Variants in SLC4A3 observed in about 807,000 individuals in gnomAD.
SLC4A3 encodes solute carrier family 4 member 3.
SLC4A3 carries 47 observed loss-of-function variants against 114.2 expected under a neutral mutation model. That is an observed-to-expected ratio of 0.41 (90% CI 0.33 to 0.52). The LOEUF (loss-of-function observed/expected upper bound fraction) is 0.52. SLC4A3 is among the 20% of genes least tolerant of loss of function. The pLI is 0.21. For synonymous variants in SLC4A3, 693 were observed against 710.3 expected, an observed-to-expected ratio of 0.98 and a Z score of 0.39; for missense variants, 1,312 against 1,668.3, an observed-to-expected ratio of 0.79 and a Z score of 3.72.
rs71688224 is a variant in SLC4A3, at chr2:219,637,193, A to AGTGTGT, written c.2535+331_2535+336dup. Among the ~76,000 whole-genome samples, 1 of 147,836 alleles carries AGTGTGT rather than the reference A, an allele frequency of 6.8e-6. No individual in the cohort carries two copies. The highest frequency in any genetic ancestry group is 2.0e-4 in the East Asian group (1 of 4,968). ...GTCCTTGGGTCACCTTTTGTAGAGG[A>AGTGTGT]GTGTGTGTGTGTGTGTGGGTGTGGG... On this transcript the variant is annotated intron_variant, in intron 16 of 22. Coordinates refer to ENST00000358055, the MANE Select transcript of SLC4A3 (RefSeq NM_005070.4). The surrounding 1 kb of genome is among the most constrained non-coding windows in gnomAD (Gnocchi z 4.6).
chr2:219,639,559 TG>T lies in SLC4A3; in HGVS notation c.3108del (p.Leu1037SerfsTer24), dbSNP rs757961785. On this transcript the variant is annotated frameshift_variant, in exon 20 of 23. Coordinates refer to ENST00000358055, the MANE Select transcript of SLC4A3 (RefSeq NM_005070.4). LOFTEE classifies it high-confidence loss of function. This position sits in a 1 kb window ranked among gnomAD's most constrained non-coding sequence, Gnocchi z 5.9. ...FHLDLLLIGS[L>X]GGLCGLFGLP... ...CTGGACCTGCTCCTCATTGGCTCCC[TG>T]GGGGGGCTCTGTGGGCTGTTTGGGT... 1 of 1,613,994 alleles carries T rather than the reference TG, an allele frequency of 6.2e-7. No individual in the cohort carries two copies. The highest frequency in any genetic ancestry group is 1.7e-5 in the Admixed American group (1 of 60,022).
chr2:219,637,844 G>A lies in SLC4A3; in HGVS notation c.2766+33G>A, dbSNP rs1490423349. Reference sequence around the variant, plus strand: ...GCTGCTGGGTGTGGAGCCCCCAAGAGTCCCACAATTCCTGCTGTAGGAGCT... The same window carrying A: ...GCTGCTGGGTGTGGAGCCCCCAAGAATCCCACAATTCCTGCTGTAGGAGCT... On this transcript the variant is annotated intron_variant, in intron 17 of 22. Coordinates refer to ENST00000358055, the MANE Select transcript of SLC4A3 (RefSeq NM_005070.4). This position sits in a 1 kb window ranked among gnomAD's most constrained non-coding sequence, Gnocchi z 4.6. 2 of 1,527,816 alleles carry A rather than the reference G, an allele frequency of 1.3e-6. No homozygotes were observed. The highest frequency in any genetic ancestry group is 2.3e-5 in the East Asian group (1 of 44,428). 94.6% of individuals were successfully genotyped at this position (1,527,816 alleles called of 1,614,324 possible).
rs1422051011 is a variant in SLC4A3, at chr2:219,636,829, C to T, written c.2490C>T (p.Leu830=). 6.2e-7 allele frequency: 1 copy of T among 1,613,958 alleles called. No individual in the cohort carries two copies. The highest frequency in any genetic ancestry group is 1.3e-5 in the African/African-American group (1 of 74,918). The change falls in exon 16 of 23, where the codon CTC becomes CTT. Residue 830 remains leucine, a synonymous_variant. Coordinates refer to ENST00000358055, the MANE Select transcript of SLC4A3 (RefSeq NM_005070.4). This position sits in a 1 kb window ranked among gnomAD's most constrained non-coding sequence, Gnocchi z 5.5. ...TCACCCAGGAGATCTTTGCCTTTCT[C>T]ATCTCACTCATTTTCATCTACGAGA... The part of the protein sequence containing the change: ...SPFTQEIFAF[L]ISLIFIYETF...
rs766452698 is a variant in SLC4A3 at position 219,628,061 on chromosome 2, G to A, written c.51+18G>A. ...TACCCCAGGTGATCGGCGCGCGCGG[G>A]GGCGGGGGAGAGATGGGGGAGGAGA... On this transcript the variant is annotated intron_variant, in intron 2 of 22. Coordinates refer to ENST00000358055, the MANE Select transcript of SLC4A3 (RefSeq NM_005070.4). The surrounding 1 kb of genome is among the most constrained non-coding windows in gnomAD (Gnocchi z 4.8). The A allele has an allele frequency of 1.9e-6, 3 of 1,544,630 alleles. No individual in the cohort carries two copies. The South Asian group carries it at 3.6e-5, about 19-fold the overall frequency.
Position 219,631,751 on chromosome 2 carries a change from G to A in SLC4A3, c.812-217G>A, listed in dbSNP as rs975738503. 5.9e-5 allele frequency among the ~76,000 whole-genome samples: 9 copies of A among 152,074 alleles called. No homozygotes were observed. The highest frequency in any genetic ancestry group is 1.9e-4 in the African/African-American group (8 of 41,404). ...TCTACCTTTGGATTGCATCTTGGCC[G>A]GTGGTCCCAGGTGACCATGGGGAGG... On this transcript the variant is annotated intron_variant, in intron 6 of 22. Coordinates refer to ENST00000358055, the MANE Select transcript of SLC4A3 (RefSeq NM_005070.4). This position sits in a 1 kb window ranked among gnomAD's most constrained non-coding sequence, Gnocchi z 6.3.
intron 7 of SLC4A3, 63 bp downstream of exon 7, chr2:219,632,179 C>T: frequency 2.5e-6 from 4 of 1,607,276 alleles, no homozygotes; most frequent in Non-Finnish European, 3.4e-6. Context: ...GAGCCCTCCT[C>T]TCTTTGCCCC....
At chr2:219,633,857 C>T (rs2106191362) in intron 10 of SLC4A3, 23 bp from the exon 11 acceptor site, 1 of 1,552,356 alleles carries the variant, frequency 6.4e-7, no homozygotes, top group Non-Finnish European at 8.7e-7. Context: ...GGTCCCAGCC[C>T]TATTCCAGTT....
At position 219,641,639 on chromosome 2, in the gene SLC4A3, T is replaced by G. The variant is rs1228940894; in HGVS notation, c.3622-12T>G. On this transcript the variant is annotated splice_polypyrimidine_tract_variant and intron_variant, in intron 22 of 22. Transcript: ENST00000358055. The surrounding 1 kb of genome is among the most constrained non-coding windows in gnomAD (Gnocchi z 4.0). ...CTTCCCTGCCTTCCCCAACCTTCTG[T>G]TCCCTCTGCAGCTGGACTCGGAAGA... 2 of 1,612,248 alleles carry G rather than the reference T, an allele frequency of 1.2e-6. No individual in the cohort carries two copies. The highest frequency in any genetic ancestry group is 2.2e-5 in the South Asian group (2 of 91,032).
rs746146531 is a variant in SLC4A3, at chr2:219,629,209, C to T, written c.283C>T (p.Leu95=). The T allele has an allele frequency of 2.0e-5, 32 of 1,612,942 alleles. No individual in the cohort carries two copies. Among genetic ancestry groups the T allele is most frequent in the Non-Finnish European group, 2.7e-5 (32 of 1,179,582 alleles). ...LSARLPPPHK[L]RRLPPTSARH... The stretch of plus-strand genomic sequence containing the variant: ...AGCGCGCCTGCCTCCACCCCACAAG[C>T]TGCGGCGGCTGCCCCCCACCTCTGC... Residue 95 remains leucine, a synonymous_variant, in exon 4 of 23, where the codon CTG becomes TTG. Coordinates refer to ENST00000358055, the MANE Select transcript of SLC4A3 (RefSeq NM_005070.4).
In SLC4A3 at chr2:219,635,304, C is replaced by T. The variant is rs764719743; in HGVS notation, c.1780C>T (p.Arg594Trp). 3 of 1,614,144 alleles carry T rather than the reference C, an allele frequency of 1.9e-6. No homozygotes were observed. The highest frequency in any genetic ancestry group is 2.2e-5 in the East Asian group (1 of 44,882). ...TGAGGCTGCCTACCAGGCAGATGAC[C>T]GGCAAGACCTCCTAAGTGCCATCAG... Reference protein sequence around the residue: ...FHEAAYQADDRQDLLSAISEF... With the variant: ...FHEAAYQADDWQDLLSAISEF... The change falls in exon 13 of 23, where the codon CGG becomes TGG. Residue 594 changes from arginine to tryptophan, a missense_variant. By Grantham distance (101) the Arg-to-Trp change is moderately radical (BLOSUM62 -3). Coordinates refer to ENST00000358055, the MANE Select transcript of SLC4A3 (RefSeq NM_005070.4).
intron 8 of SLC4A3, among the ~76,000 whole-genome samples, 198 bp from the exon 9 acceptor site, chr2:219,632,676 G>T (rs898836076): frequency 1.3e-5 from 2 of 152,342 alleles, no homozygotes; most frequent in Admixed American, 1.3e-4. Flanking sequence ...GAGGGGCCGT[G>T]CCCTCGTTTC....
At position 219,628,435 on chromosome 2, in the gene SLC4A3, A is replaced by C. The variant is rs1300147045; in HGVS notation, c.82A>C (p.Ser28Arg). Residue 28 changes from serine (S) to arginine (R), a missense_variant, in exon 3 of 23, where the codon AGT becomes CGT. Physicochemically the swap from Ser to Arg is moderately radical, Grantham distance 110 (BLOSUM62 -1). Around this residue, in one of 4 missense-constraint regions of SLC4A3, gnomAD observed 236 missense variants for 212.1 expected, o/e 1.11. Coordinates refer to ENST00000358055, the MANE Select transcript of SLC4A3 (RefSeq NM_005070.4). The surrounding 1 kb of genome is among the most constrained non-coding windows in gnomAD (Gnocchi z 4.8). ...GGTGCCCTTGGAGGAGCCCCCTCTA[A>C]GTCCAGACGTGGAGGAGGAGGACGA... ...VRVPLEEPPL[S>R]PDVEEEDDDL... The C allele has an allele frequency of 6.2e-7, 1 of 1,613,110 alleles. No individual in the cohort carries two copies. Among genetic ancestry groups the C allele is most frequent in the Non-Finnish European group, 8.5e-7 (1 of 1,179,694 alleles).
Position 219,629,292 on chromosome 2 carries a change from G to A in SLC4A3, c.366G>A (p.Gly122=), listed in dbSNP as rs368460412. 56 of 1,613,802 alleles carry A rather than the reference G, an allele frequency of 3.5e-5. No individual in the cohort carries two copies. Among genetic ancestry groups the A allele is most frequent in the Middle Eastern group, 1.6e-4 (1 of 6,080 alleles). The change falls in exon 4 of 23, where the codon GGG becomes GGA. Residue 122 remains glycine, a synonymous_variant. Transcript: ENST00000358055. ...KEKTSAPPSE[G]TPPIQEEGGA... is the part of the protein sequence containing the mutation. ...AAACCTCTGCTCCTCCCTCCGAGGGGACCCCTCCCATCCAGGAGGAGGGGG... is the reference window on the plus strand; with the variant it reads ...AAACCTCTGCTCCTCCCTCCGAGGGAACCCCTCCCATCCAGGAGGAGGGGG...
At chr2:219,634,696 G>A in intron 12 of SLC4A3, 92 bp downstream of exon 12, 2 of 1,366,892 alleles carry the variant, frequency 1.5e-6, no homozygotes, top group East Asian at 2.4e-5. Flanking sequence ...AGAGGCAAGG[G>A]TGCTAGAGGC....
chr2:219,635,650 C>T (rs1293286472), intron 13 of SLC4A3, 23 bp from the exon 14 acceptor site: 1 of 1,549,910 alleles, frequency 6.5e-7, no homozygotes, highest in Non-Finnish European at 8.7e-7. Context: ...GGTCTGTGCC[C>T]CAGCAGCCCC....
In SLC4A3 at chr2:219,627,855, G is replaced by A. The variant is rs762353043; in HGVS notation, c.-93-45G>A. ...GGGAGCGTGCATCCGGCTCCCGGGT[G>A]GGGGGCGCCAGCGCAAGGAACCTGA... is the stretch of plus-strand genomic sequence containing the variant. On this transcript the variant is annotated intron_variant, in intron 1 of 22. Coordinates refer to ENST00000358055, the MANE Select transcript of SLC4A3 (RefSeq NM_005070.4). The A allele has an allele frequency of 4.6e-4, 305 of 656,860 alleles. 4 individuals are homozygous for A. The highest frequency in any genetic ancestry group is 9.9e-5 in the Non-Finnish European group (39 of 393,312). 40.7% of individuals were successfully genotyped at this position (656,860 alleles called of 1,614,324 possible). A position where few individuals can be genotyped will look rare whatever the true frequency, so the allele number is the denominator to read the frequency against.
rs374445400 is a variant in SLC4A3 at position 219,636,474 on chromosome 2, C to G, written c.2340+24C>G. 20 of 1,581,874 alleles carry G rather than the reference C, an allele frequency of 1.3e-5. No individual in the cohort carries two copies. The highest frequency in any genetic ancestry group is 1.6e-5 in the Non-Finnish European group (19 of 1,165,344). ...AGGTGAGGCGAAGCCTTGCCCTGCT[C>G]CATCCATCCTGCCCCACACTCTTCC... On this transcript the variant is annotated intron_variant, in intron 15 of 22. Transcript: ENST00000358055. The surrounding 1 kb of genome is among the most constrained non-coding windows in gnomAD (Gnocchi z 5.5).
chr2:219,627,913 GC>G lies in SLC4A3; in HGVS notation c.-75del. 2 of 1,207,618 alleles carry G rather than the reference GC, an allele frequency of 1.7e-6. No individual in the cohort carries two copies. Among genetic ancestry groups the G allele is most frequent in the Non-Finnish European group, 2.4e-6 (2 of 841,266 alleles). The allele number at this position is 1,207,618 out of a possible 1,614,324, so 74.8% of individuals were successfully genotyped here. A position where few individuals can be genotyped will look rare whatever the true frequency, so the allele number is the denominator to read the frequency against. ...CTCCTCCCCCAGGGCTCCCCGCTAG[GC>G]CCCCTCAGTGGCCCCTCCTTCTCAC... On this transcript the variant is annotated 5_prime_UTR_variant, in exon 2 of 23. An upstream open reading frame in the 5' UTR loses its in-frame stop. Transcript: ENST00000358055.
Position 219,633,362 on chromosome 2 carries a change from A to G in SLC4A3, c.1366A>G (p.Thr456Ala). The change falls in exon 10 of 23, where the codon ACT (threonine) becomes GCT (alanine). Residue 456 changes from threonine to alanine, a missense_variant. Thr to Ala is a moderately conservative substitution (Grantham distance 58). Around this residue, in one of 4 missense-constraint regions of SLC4A3, gnomAD observed 771 missense variants for 977.7 expected, o/e 0.79. Transcript: ENST00000358055. The part of the protein sequence containing the change: ...MNSVLGNHHP[T>A]PSHGPDGAVP... ...CTCGGTTCTGGGGAATCATCACCCAACTCCCAGCCATGGCCCTGATGGGGC... is the reference window on the plus strand; with the variant it reads ...CTCGGTTCTGGGGAATCATCACCCAGCTCCCAGCCATGGCCCTGATGGGGC... 3 of 1,603,290 alleles carry G rather than the reference A, an allele frequency of 1.9e-6. No homozygotes were observed. The highest frequency in any genetic ancestry group is 2.3e-5 in the East Asian group (1 of 44,376).
Sources: gnomAD v4.1 joint callset for allele counts (sites outside exome capture counted in the v4.1 genomes callset) on GRCh38, gnomAD v4.1.1 for gene constraint, gnomAD v4.1.1 regional missense constraint, Gnocchi (gnomAD v3.1) non-coding constraint, MANE v1.5 for transcripts, NCBI Gene and HGNC (gene_info 2026-07-23, HGNC 2026-07-21) for gene names.